ZNF26: variants seen among roughly 807,000 people sequenced by gnomAD.
ZNF26 encodes zinc finger protein 26, also known as epididymis luminal protein 179.
Under a neutral mutation model 54.9 loss-of-function variants are expected in ZNF26, and 32 were observed. That is an observed-to-expected ratio of 0.58 (90% confidence interval 0.44 to 0.78). The LOEUF is 0.78. Ranked by LOEUF, ZNF26 falls within the 30% of genes least tolerant of loss-of-function variation. ZNF26 has a pLI of 0.00. For synonymous variants in ZNF26, 221 were observed against 209.2 expected (o/e 1.06, Z -0.49); for missense variants, 524 against 634.0 (o/e 0.83, Z 1.86).
At position 133,025,833 on chromosome 12, in the gene ZNF26, T is replaced by G. The variant is rs1953696225; in HGVS notation, c.*14352T>G. On this transcript the variant is annotated 3_prime_UTR_variant, in exon 4 of 4. Transcript: ENST00000328654. ...GATGAAGCTGTGTAACTTCCAAAGC[T>G]AGGTCATAAAAGGTGATGCAGCTTC... The G allele has an allele frequency of 2.6e-5, 4 of 152,234 alleles. No homozygotes were observed. Among genetic ancestry groups the G allele is most frequent in the Admixed American group, 2.6e-4 (4 of 15,290 alleles). 9.4% of individuals were successfully genotyped at this position (152,234 alleles called of 1,614,324 possible).
At position 133,024,225 on chromosome 12, in the gene ZNF26, T is replaced by A. The variant is rs1181654758; in HGVS notation, c.*12744T>A. 1 of 152,156 alleles carries A rather than the reference T, an allele frequency of 6.6e-6. No individual in the cohort carries two copies. Among genetic ancestry groups the A allele is most frequent in the East Asian group, 1.9e-4 (1 of 5,194 alleles). 9.4% of individuals were successfully genotyped at this position (152,156 alleles called of 1,614,324 possible). On this transcript the variant is annotated 3_prime_UTR_variant, in exon 4 of 4. Coordinates refer to ENST00000328654, the MANE Select transcript of ZNF26 (RefSeq NM_019591.4). ...GAATCTGAAAGGCCCTTGAGTAAAA[T>A]ATCAGTAAAACCCAGTGGGCTTTGG...
intron 1 of ZNF26, among the ~76,000 whole-genome samples, chr12:132,996,892 TTTTTGTTTTG>T (rs61558774): frequency 5.9e-5 from 9 of 151,360 alleles, no homozygotes; most frequent in East Asian, 1.9e-4. Flanking sequence ...TTCTCATGGT[TTTTTGTTTTG>T]TTTTGTTTTG....
intron 1 of ZNF26, among the ~76,000 whole-genome samples, chr12:132,990,474 G>A (rs1038360116): frequency 2.6e-5 from 4 of 152,018 alleles, no homozygotes; most frequent in Non-Finnish European, 5.9e-5. Context: ...GAGGATTTTT[G>A]TATCTATATT....
chr12:133,027,097 C>A lies in ZNF26; in HGVS notation c.*15616C>A, dbSNP rs1252228888. 7.0e-6 allele frequency: 1 copy of A among 142,968 alleles called. No individual in the cohort carries two copies. The highest frequency in any genetic ancestry group is 2.3e-4 in the South Asian group (1 of 4,262). 8.9% of individuals were successfully genotyped at this position (142,968 alleles called of 1,614,324 possible). On this transcript the variant is annotated 3_prime_UTR_variant, in exon 4 of 4. Transcript: ENST00000328654. Reference sequence around the variant, plus strand: ...GAACAGTATAATTAAAATGAGGAACCGCTGAGATCACTGCTCTCTCATTAT... The same window carrying A: ...GAACAGTATAATTAAAATGAGGAACAGCTGAGATCACTGCTCTCTCATTAT...
chr12:132,986,512 C>T lies in ZNF26; in HGVS notation c.-329C>T. ...AGCGGCTCGGATTATCCTGGGCAGA[C>T]CAGAGACTTGACCAGCTAAACACTT... On this transcript the variant is annotated 5_prime_UTR_variant, in exon 1 of 4. Transcript: ENST00000328654. The T allele has an allele frequency of 2.3e-6, 1 of 444,256 alleles. No individual in the cohort carries two copies. The highest frequency in any genetic ancestry group is 4.2e-6 in the Non-Finnish European group (1 of 240,690). 27.5% of individuals were successfully genotyped at this position (444,256 alleles called of 1,614,324 possible).
At chr12:133,006,837 C>T in intron 1 of ZNF26, 1 of 559,758 alleles carries the variant, frequency 1.8e-6, no homozygotes, top group South Asian at 2.1e-5. Flanking sequence ...TTGTGATCCA[C>T]CCGCCTTGGC....
chr12:133,007,120 C>G lies in ZNF26; in HGVS notation c.112C>G (p.Leu38Val). 1.2e-6 allele frequency: 2 copies of G among 1,614,050 alleles called. No individual in the cohort carries two copies. Among genetic ancestry groups the G allele is most frequent in the South Asian group, 2.2e-5 (2 of 91,082 alleles). The change falls in exon 2 of 4, where the codon CTG becomes GTG. Residue 38 changes from leucine (L) to valine (V), a missense_variant. Physicochemically the swap from Leu to Val is conservative, Grantham distance 32. Coordinates refer to ENST00000328654, the MANE Select transcript of ZNF26 (RefSeq NM_019591.4). ...GCTACTGGATTCTACACAGAAGTACCTGTACAGAGATGTGATATTGGAAAA... is the reference window on the plus strand; with the variant it reads ...GCTACTGGATTCTACACAGAAGTACGTGTACAGAGATGTGATATTGGAAAA... Reference protein sequence around the residue: ...WQLLDSTQKYLYRDVILENYH... With the variant: ...WQLLDSTQKYVYRDVILENYH...
In ZNF26 at chr12:133,019,433, A is replaced by C. The variant is rs1953610056; in HGVS notation, c.*7952A>C. On this transcript the variant is annotated 3_prime_UTR_variant, in exon 4 of 4. Coordinates refer to ENST00000328654, the MANE Select transcript of ZNF26 (RefSeq NM_019591.4). Reference sequence around the variant, plus strand: ...AGATCCAAACAGACGTTTCTCAGAGAAGACATGCAAATGTCTAACAGGTAT... The same window carrying C: ...AGATCCAAACAGACGTTTCTCAGAGCAGACATGCAAATGTCTAACAGGTAT... 6.6e-6 allele frequency: 1 copy of C among 152,246 alleles called. No homozygotes were observed. The highest frequency in any genetic ancestry group is 1.5e-5 in the Non-Finnish European group (1 of 68,048). The allele number at this position is 152,246 out of a possible 1,614,324, so 9.4% of individuals were successfully genotyped here.
In ZNF26 at chr12:133,007,605, C is replaced by T; in HGVS notation, c.256+73C>T. On this transcript the variant is annotated intron_variant, in intron 3 of 3. Transcript: ENST00000328654. ...TGAGTACCTGAGGAGTGGGCACTCA[C>T]AGTGTTGTCTTCAGAAATGCTTCTG... 8 of 1,057,412 alleles carry T rather than the reference C, an allele frequency of 7.6e-6. No homozygotes were observed. The South Asian group carries it at 1.2e-4, about 16-fold the overall frequency. The allele number at this position is 1,057,412 out of a possible 1,614,324, so 65.5% of individuals were successfully genotyped here.
rs1229092307 is a variant in ZNF26 at position 133,001,207 on chromosome 12, G to A, written c.34-5835G>A. On this transcript the variant is annotated intron_variant, in intron 1 of 3. Transcript: ENST00000328654. This position sits in a 1 kb window ranked among gnomAD's most constrained non-coding sequence, Gnocchi z 4.7. ...TGTCAGCCCTTCCCTAGTGCTCGTC[G>A]TGAGGAGAGCTGATGATGCTCTGGT... Among the ~76,000 whole-genome samples, 1 of 152,098 alleles carries A rather than the reference G, an allele frequency of 6.6e-6. No homozygotes were observed.
In ZNF26 at chr12:133,015,366, AAAAAG is replaced by A. The variant is rs1953553455; in HGVS notation, c.*3895_*3899del. ...GAGACTCTGTCTCAAAAAAAAAAAA[AAAAAG>A]AAAAGAAAATGACAAACACATGTTC... is the stretch of plus-strand genomic sequence containing the variant. On this transcript the variant is annotated 3_prime_UTR_variant, in exon 4 of 4. Coordinates refer to ENST00000328654, the MANE Select transcript of ZNF26 (RefSeq NM_019591.4). The A allele has an allele frequency of 6.6e-6, 1 of 151,324 alleles. No individual in the cohort carries two copies. Among genetic ancestry groups the A allele is most frequent in the Non-Finnish European group, 1.5e-5 (1 of 68,430 alleles). The allele number at this position is 151,324 out of a possible 1,614,324, so 9.4% of individuals were successfully genotyped here. A position where few individuals can be genotyped will look rare whatever the true frequency, so the allele number is the denominator to read the frequency against.
rs1197958021 is a variant in ZNF26, at chr12:132,986,811, C to G, written c.-30C>G. 4.4e-6 allele frequency: 7 copies of G among 1,593,828 alleles called. No individual in the cohort carries two copies. The highest frequency in any genetic ancestry group is 4.5e-5 in the East Asian group (2 of 44,036). ...CTCCGCAGCCCGCGGGTCCTGCCCCCGCAGGCAGCGCGCGAACGTGGGCGT... is the reference window on the plus strand; with the variant it reads ...CTCCGCAGCCCGCGGGTCCTGCCCCGGCAGGCAGCGCGCGAACGTGGGCGT... On this transcript the variant is annotated 5_prime_UTR_variant, in exon 1 of 4. Transcript: ENST00000328654.
At chr12:132,990,349 C>T (rs987746005) in intron 1 of ZNF26, among the ~76,000 whole-genome samples, 2 of 152,134 alleles carry the variant, frequency 1.3e-5, no homozygotes, top group Non-Finnish European at 2.9e-5. Context: ...TCATTTGATA[C>T]GATGGAACTG....
In ZNF26 at chr12:133,026,010, C is replaced by G. The variant is rs1953698409; in HGVS notation, c.*14529C>G. The G allele has an allele frequency of 6.6e-6, 1 of 152,380 alleles. No homozygotes were observed. 9.4% of individuals were successfully genotyped at this position (152,380 alleles called of 1,614,324 possible). On this transcript the variant is annotated 3_prime_UTR_variant, in exon 4 of 4. Coordinates refer to ENST00000328654, the MANE Select transcript of ZNF26 (RefSeq NM_019591.4). ...GATGCCTAAAACACCCCCAGGCATT[C>G]CAGCCCCTTCTGTTCTAGATCTAGC...
In ZNF26 at chr12:133,024,226, A is replaced by G. The variant is rs1462008606; in HGVS notation, c.*12745A>G. On this transcript the variant is annotated 3_prime_UTR_variant, in exon 4 of 4. Coordinates refer to ENST00000328654, the MANE Select transcript of ZNF26 (RefSeq NM_019591.4). ...AATCTGAAAGGCCCTTGAGTAAAAT[A>G]TCAGTAAAACCCAGTGGGCTTTGGG... 6.6e-6 allele frequency: 1 copy of G among 152,214 alleles called. No individual in the cohort carries two copies. Among genetic ancestry groups the G allele is most frequent in the Non-Finnish European group, 1.5e-5 (1 of 68,046 alleles). 9.4% of individuals were successfully genotyped at this position (152,214 alleles called of 1,614,324 possible). A position where few individuals can be genotyped will look rare whatever the true frequency, so the allele number is the denominator to read the frequency against.
chr12:132,987,093 T>G (rs1456560302), intron 1 of ZNF26, among the ~76,000 whole-genome samples: 3 of 152,168 alleles, frequency 2.0e-5, no homozygotes. Flanking sequence ...GCAGTTATAC[T>G]GCACTTCATG....
At chr12:133,006,361 A>G (rs1953327164) in intron 1 of ZNF26, 1 of 892,732 alleles carries the variant, frequency 1.1e-6, no homozygotes, top group Non-Finnish European at 1.3e-6. Flanking sequence ...TCTTGAACAC[A>G]TCATGAATCT....
At chr12:133,003,671 A>G (rs1444902402) in intron 1 of ZNF26, among the ~76,000 whole-genome samples, 1 of 152,142 alleles carries the variant, frequency 6.6e-6, no homozygotes, top group East Asian at 1.9e-4. Context: ...CTCTGTTCCT[A>G]CTTTCAAATC....
At position 133,022,478 on chromosome 12, in the gene ZNF26, A is replaced by ACATG. The variant is rs1953657395; in HGVS notation, c.*11000_*11001insGCAT. The ACATG allele has an allele frequency of 6.0e-4, 1 of 1,664 alleles. No homozygotes were observed. The highest frequency in any genetic ancestry group is 0.038 in the Admixed American group (1 of 26). The allele number at this position is 1,664 out of a possible 1,614,324, so 0.1% of individuals were successfully genotyped here. ...ACATTGAACAGAACTTAATATACACACATACAAAGTATAAGTAAAACTGGG... is the reference window on the plus strand; with the variant it reads ...ACATTGAACAGAACTTAATATACACACATGCATACAAAGTATAAGTAAAACTGGG... On this transcript the variant is annotated 3_prime_UTR_variant, in exon 4 of 4. Coordinates refer to ENST00000328654, the MANE Select transcript of ZNF26 (RefSeq NM_019591.4).
Sources: allele counts gnomAD v4.1 joint callset (sites outside exome capture counted in the v4.1 genomes callset), GRCh38; gene constraint gnomAD v4.1.1; non-coding constraint Gnocchi (gnomAD v3.1); transcripts MANE v1.5; gene names NCBI Gene and HGNC (gene_info 2026-07-23, HGNC 2026-07-21).